RRAGD: variants seen among roughly 807,000 people sequenced by gnomAD.
The protein encoded by RRAGD is Ras related GTP binding D, also known as ras-related GTP-binding protein D.
RRAGD carries 12 observed loss-of-function variants against 35.5 expected under a neutral mutation model. That is an observed-to-expected ratio of 0.34 (90% CI 0.22 to 0.55). The LOEUF (loss-of-function observed/expected upper bound fraction) is 0.55, where lower values mean the gene tolerates loss of function less well. RRAGD is among the 20% of genes least tolerant of loss of function. The probability of loss-of-function intolerance (pLI) is 0.91; values close to 1 mark genes in which losing one functional copy is unlikely to be tolerated. For missense variants in RRAGD, 324 were observed against 490.1 expected (o/e 0.66, Z 3.20); for synonymous variants, 155 against 178.9 (o/e 0.87, Z 1.07).
chr6:89,391,727 T>C (rs956585957), intron 1 of RRAGD, among the ~76,000 whole-genome samples: 5 of 151,788 alleles, frequency 3.3e-5, no homozygotes, highest in African/African-American at 1.2e-4. Context: ...CCAAGGCAGG[T>C]GGACTGCTTG....
intron 2 of RRAGD, among the ~76,000 whole-genome samples, chr6:89,382,884 TA>T (rs60288774): frequency 4.9e-4 from 71 of 146,052 alleles, no homozygotes; most frequent in Admixed American, 1.6e-3. Flanking sequence ...TCAAAAAAAA[TA>T]AAAAAAAAAA....
intron 5 of RRAGD, among the ~76,000 whole-genome samples, chr6:89,374,718 G>A (rs1260440845): frequency 9.4e-5 from 14 of 149,468 alleles, no homozygotes; most frequent in African/African-American, 3.0e-4. Context: ...CAACAAGAGC[G>A]AAACTCCATC....
chr6:89,393,750 A>C (rs1769280875), intron 1 of RRAGD, among the ~76,000 whole-genome samples: 1 of 152,252 alleles, frequency 6.6e-6, no homozygotes, highest in Non-Finnish European at 1.5e-5. Context: ...ACACCTGAAG[A>C]AGCAGAGTTA....
chr6:89,379,479 T>C lies in RRAGD; in HGVS notation c.645-141A>G, dbSNP rs1769005977. ...GTCCAGCCCCCTTCAGAATTTACAGTGACCTCGGTAAAAAACAAGCCATTC... is the reference window on the plus strand; with the variant it reads ...GTCCAGCCCCCTTCAGAATTTACAGCGACCTCGGTAAAAAACAAGCCATTC... On this transcript the variant is annotated intron_variant, in intron 3 of 6. Transcript: ENST00000369415. The C allele has an allele frequency of 2.4e-5, 10 of 408,682 alleles. No individual in the cohort carries two copies. In the South Asian group the frequency reaches 4.7e-4, roughly 19 times the overall value. 25.3% of individuals were successfully genotyped at this position (408,682 alleles called of 1,614,324 possible). A position where few individuals can be genotyped will look rare whatever the true frequency, so the allele number is the denominator to read the frequency against.
chr6:89,372,708 T>G (rs1326876334), intron 5 of RRAGD, 123 bp from the exon 6 acceptor site: 1 of 918,924 alleles, frequency 1.1e-6, no homozygotes, highest in Non-Finnish European at 1.6e-6. Flanking sequence ...ACACTTGCAG[T>G]GCCTTTCAGC....
chr6:89,394,858 T>G (rs2127893979), intron 1 of RRAGD, among the ~76,000 whole-genome samples: 1 of 152,334 alleles, frequency 6.6e-6, no homozygotes, highest in South Asian at 2.1e-4. Flanking sequence ...GAATTTGGTT[T>G]TAATTTTAAA....
intron 1 of RRAGD, among the ~76,000 whole-genome samples, chr6:89,400,492 T>C (rs1769437798): frequency 6.6e-6 from 1 of 151,948 alleles, no homozygotes; most frequent in East Asian, 1.9e-4. Flanking sequence ...TAATCTCCTC[T>C]CACCCTCTCC....
chr6:89,377,822 TA>T lies in RRAGD; in HGVS notation c.760-10del, dbSNP rs747984622. ...TTTTCAATTCCAGAATTCTGAAATT[TA>T]AAAAAAAAAGTTGCCTTAAAGCAAC... On this transcript the variant is annotated splice_polypyrimidine_tract_variant and intron_variant, in intron 4 of 6. Transcript: ENST00000369415. 4,941 of 1,368,656 alleles carry T rather than the reference TA, an allele frequency of 3.6e-3. No homozygotes were observed. Among genetic ancestry groups the T allele is most frequent in the Admixed American group, 7.7e-3 (353 of 45,892 alleles). The allele number at this position is 1,368,656 out of a possible 1,614,324, so 84.8% of individuals were successfully genotyped here. A position where few individuals can be genotyped will look rare whatever the true frequency, so the allele number is the denominator to read the frequency against.
chr6:89,382,211 C>T (rs1013798311), intron 2 of RRAGD, among the ~76,000 whole-genome samples: 1 of 151,858 alleles, frequency 6.6e-6, no homozygotes, highest in African/African-American at 2.4e-5. Context: ...ATTAATTATA[C>T]AAATAGGAAA....
intron 1 of RRAGD, among the ~76,000 whole-genome samples, chr6:89,394,841 T>C (rs1355150583): frequency 1.3e-5 from 2 of 152,080 alleles, no homozygotes. Context: ...AGGAGGATCA[T>C]GAAAAGGAAT....
In RRAGD at chr6:89,412,100, A is replaced by G; in HGVS notation, c.-107T>C. 3 of 1,110,814 alleles carry G rather than the reference A, an allele frequency of 2.7e-6. No homozygotes were observed. The highest frequency in any genetic ancestry group is 3.5e-6 in the Non-Finnish European group (3 of 852,936). 68.8% of individuals were successfully genotyped at this position (1,110,814 alleles called of 1,614,324 possible). On this transcript the variant is annotated 5_prime_UTR_variant, in exon 1 of 7. Coordinates refer to ENST00000369415, the MANE Select transcript of RRAGD (RefSeq NM_021244.5). The surrounding 1 kb of genome is among the most constrained non-coding windows in gnomAD (Gnocchi z 4.2). Reference sequence around the variant, plus strand: ...ATTTCTGAAGCGGAGGTTTGTCTAGAGCTCAGCGGGGCCCGGCGGAAGCGG... The same window carrying G: ...ATTTCTGAAGCGGAGGTTTGTCTAGGGCTCAGCGGGGCCCGGCGGAAGCGG...
Position 89,372,301 on chromosome 6 carries a change from A to AGTTAAG in RRAGD, c.1051+135_1051+136insCTTAAC, listed in dbSNP as rs1693785171. 17 of 991,082 alleles carry AGTTAAG rather than the reference A, an allele frequency of 1.7e-5. No homozygotes were observed. In the South Asian group the frequency reaches 2.7e-4, roughly 16 times the overall value. 61.4% of individuals were successfully genotyped at this position (991,082 alleles called of 1,614,324 possible). A position where few individuals can be genotyped will look rare whatever the true frequency, so the allele number is the denominator to read the frequency against. ...GGAGCCCGCCCCGCTCTGAACTCCAAGCCAAGAGGGCCTGTGACTGGCATC... is the reference window on the plus strand; with the variant it reads ...GGAGCCCGCCCCGCTCTGAACTCCAAGTTAAGGCCAAGAGGGCCTGTGACTGGCATC... On this transcript the variant is annotated intron_variant, in intron 6 of 6. Transcript: ENST00000369415.
chr6:89,391,995 G>T (rs1333798945), intron 1 of RRAGD, among the ~76,000 whole-genome samples: 1 of 150,520 alleles, frequency 6.6e-6, no homozygotes, highest in East Asian at 1.9e-4. Flanking sequence ...ATTAAACAGT[G>T]GTGATAATTG....
At chr6:89,382,126 G>C (rs1769054391) in intron 2 of RRAGD, among the ~76,000 whole-genome samples, 1 of 151,912 alleles carries the variant, frequency 6.6e-6, no homozygotes, top group Non-Finnish European at 1.5e-5. Flanking sequence ...CAATATAATT[G>C]GGGGTGTTTT....
At chr6:89,399,311 C>T (rs948808492) in intron 1 of RRAGD, among the ~76,000 whole-genome samples, 2 of 152,224 alleles carry the variant, frequency 1.3e-5, no homozygotes, top group Non-Finnish European at 2.9e-5. Context: ...ACAACACATA[C>T]AGCTGAAGTA....
At chr6:89,403,385 C>A (rs1769513433) in intron 1 of RRAGD, among the ~76,000 whole-genome samples, 1 of 151,752 alleles carries the variant, frequency 6.6e-6, no homozygotes, top group South Asian at 2.1e-4. Flanking sequence ...GCGGAGCTTG[C>A]AGTGAGCAGA....
chr6:89,367,955 G>T lies in RRAGD; in HGVS notation c.*101C>A. 2.0e-6 allele frequency: 2 copies of T among 1,003,396 alleles called. No homozygotes were observed. The highest frequency in any genetic ancestry group is 2.8e-6 in the Non-Finnish European group (2 of 719,560). 62.2% of individuals were successfully genotyped at this position (1,003,396 alleles called of 1,614,324 possible). A position where few individuals can be genotyped will look rare whatever the true frequency, so the allele number is the denominator to read the frequency against. The stretch of plus-strand genomic sequence containing the variant: ...TTTTTTTTTTTAACAACAAATCAAT[G>T]GTATGTGTCCCAATCTCCTTCTTCC... On this transcript the variant is annotated 3_prime_UTR_variant, in exon 7 of 7. Coordinates refer to ENST00000369415, the MANE Select transcript of RRAGD (RefSeq NM_021244.5).
chr6:89,390,662 T>G (rs1769216734), intron 1 of RRAGD, among the ~76,000 whole-genome samples: 1 of 151,864 alleles, frequency 6.6e-6, no homozygotes, highest in African/African-American at 2.4e-5. Flanking sequence ...CTTTGAGAGG[T>G]CAAGGCAGGC....
chr6:89,372,717 G>C, intron 5 of RRAGD, 132 bp from the exon 6 acceptor site: 1 of 811,784 alleles, frequency 1.2e-6, no homozygotes, highest in East Asian at 2.8e-5. Flanking sequence ...GTGCCTTTCA[G>C]CAAAAGAGCT....
Sources: gnomAD v4.1 joint callset for allele counts (sites outside exome capture counted in the v4.1 genomes callset) on GRCh38, gnomAD v4.1.1 for gene constraint, Gnocchi (gnomAD v3.1) non-coding constraint, MANE v1.5 for transcripts, NCBI Gene and HGNC (gene_info 2026-07-23, HGNC 2026-07-21) for gene names.